Variants in MTUS2 observed in about 807,000 individuals in gnomAD.
The protein encoded by MTUS2 is microtubule-associated tumor suppressor candidate 2.
In MTUS2, 40 loss-of-function variants were observed where a neutral mutation model predicts 114.1. That is an observed-to-expected ratio of 0.35 (90% confidence interval 0.27 to 0.46). The LOEUF (loss-of-function observed/expected upper bound fraction) is 0.46. Among genes scored for constraint, MTUS2 ranks in the 20% least tolerant of loss-of-function variants. The probability of loss-of-function intolerance (pLI) is 1.00; values close to 1 mark genes in which losing one functional copy is unlikely to be tolerated. For missense variants in MTUS2, 1,679 were observed against 1,705.4 expected (o/e 0.98, Z 0.27); for synonymous variants, 688 against 672.0 (o/e 1.02, Z -0.37).
chr13:29,183,375 A>G (rs961944459), intron 5 of MTUS2, among the ~76,000 whole-genome samples: 1 of 152,180 alleles, frequency 6.6e-6, no homozygotes, highest in African/African-American at 2.4e-5. Flanking sequence ...GGAACAGGTT[A>G]GGAGATTCAT....
At chr13:29,099,896 G>A (rs570474942) in intron 4 of MTUS2, among the ~76,000 whole-genome samples, 23 of 152,304 alleles carry the variant, frequency 1.5e-4, no homozygotes, top group Non-Finnish European at 1.6e-4. Context: ...TATTGCTGGA[G>A]CCTGGCTCAG....
At chr13:29,135,467 T>G (rs1891940016) in intron 5 of MTUS2, among the ~76,000 whole-genome samples, 1 of 152,202 alleles carries the variant, frequency 6.6e-6, no homozygotes, top group African/African-American at 2.4e-5. Flanking sequence ...TGGATCATGT[T>G]TTTGTTTTTT....
chr13:28,975,354 A>G (rs544974371), intron 2 of MTUS2, among the ~76,000 whole-genome samples: 1 of 152,250 alleles, frequency 6.6e-6, no homozygotes, highest in East Asian at 1.9e-4. Context: ...CGGCATGGTC[A>G]GTGGGGTCTT....
At chr13:29,156,443 G>A (rs1892862776) in intron 5 of MTUS2, among the ~76,000 whole-genome samples, 1 of 152,026 alleles carries the variant, frequency 6.6e-6, no homozygotes, top group Admixed American at 6.6e-5. Context: ...GGCTCCCAAG[G>A]TTGTGCAATA....
chr13:29,220,010 T>G (rs11616994), intron 5 of MTUS2, among the ~76,000 whole-genome samples: 21,660 of 151,706 alleles, frequency 0.14, 1,678 homozygotes, highest in East Asian at 0.3. Context: ...TTTTTTTTTT[T>G]TTGAGACAGA....
chr13:29,038,349 G>A (rs2138540780), intron 4 of MTUS2, among the ~76,000 whole-genome samples: 1 of 152,354 alleles, frequency 6.6e-6, no homozygotes. Context: ...GACCCTATTA[G>A]CCTGGGTATC....
intron 5 of MTUS2, among the ~76,000 whole-genome samples, chr13:29,219,964 T>C (rs764959301): frequency 3.9e-5 from 6 of 152,210 alleles, no homozygotes; most frequent in Non-Finnish European, 7.3e-5. Context: ...GCTGTTTTAC[T>C]TTCTTATCAT....
chr13:29,184,815 A>G (rs1162272564), intron 5 of MTUS2, among the ~76,000 whole-genome samples: 1 of 152,224 alleles, frequency 6.6e-6, no homozygotes, highest in Non-Finnish European at 1.5e-5. Flanking sequence ...ATGCCAATTT[A>G]TATCATTTAA....
intron 4 of MTUS2, chr13:29,071,932 A>G (rs916487262): frequency 6.6e-6 from 1 of 152,182 alleles, no homozygotes; most frequent in African/African-American, 2.4e-5. Flanking sequence ...TGCCCAGAAG[A>G]GGAGATGGTG....
chr13:29,073,430 A>G (rs1174873446), intron 4 of MTUS2, among the ~76,000 whole-genome samples: 3 of 152,210 alleles, frequency 2.0e-5, no homozygotes, highest in African/African-American at 7.2e-5. Flanking sequence ...TGGCCTGGAT[A>G]TTAAATAATG....
At chr13:29,135,406 C>A (rs1449035719) in intron 5 of MTUS2, among the ~76,000 whole-genome samples, 1 of 152,164 alleles carries the variant, frequency 6.6e-6, no homozygotes, top group Non-Finnish European at 1.5e-5. Flanking sequence ...TCACTTTCAA[C>A]CTATTTGTGT....
chr13:29,355,941 A>G (rs1370922708), intron 7 of MTUS2, among the ~76,000 whole-genome samples: 1 of 152,128 alleles, frequency 6.6e-6, no homozygotes. Flanking sequence ...ACTAATATCC[A>G]TTTCCTAGTT....
chr13:28,869,461 C>G (rs1052938604), intron 2 of MTUS2, among the ~76,000 whole-genome samples: 2 of 152,112 alleles, frequency 1.3e-5, no homozygotes, highest in Non-Finnish European at 2.9e-5. Flanking sequence ...CAGGAATATT[C>G]GTAAAGCTTT....
intron 5 of MTUS2, among the ~76,000 whole-genome samples, chr13:29,106,798 T>C (rs1890688748): frequency 6.6e-6 from 1 of 152,156 alleles, no homozygotes; most frequent in Non-Finnish European, 1.5e-5. Flanking sequence ...CACAAGCACA[T>C]GGTCCTTGGT....
rs1262030938 is a variant in MTUS2 at position 29,389,787 on chromosome 13, ATATG to A, written c.3117+30318_3117+30321del. Among the ~76,000 whole-genome samples the A allele has an allele frequency of 2.1e-3, 203 of 98,256 alleles. 77 individuals are homozygous for A. The highest frequency in any genetic ancestry group is 0.015 in the Middle Eastern group (2 of 136). 64.5% of individuals were successfully genotyped at this position (98,256 alleles called of 152,430 possible). A position where few individuals can be genotyped will look rare whatever the true frequency, so the allele number is the denominator to read the frequency against. On this transcript the variant is annotated intron_variant, in intron 8 of 15. Transcript: ENST00000612955. ...TATGTATATACATACATATGTGTGTATATGTATATACATACATATGTGTATATAT... is the reference window on the plus strand; with the variant it reads ...TATGTATATACATACATATGTGTGTATATATACATACATATGTGTATATAT...
intron 6 of MTUS2, among the ~76,000 whole-genome samples, chr13:29,304,809 G>A (rs1899366870): frequency 6.6e-6 from 1 of 152,028 alleles, no homozygotes; most frequent in South Asian, 2.1e-4. Flanking sequence ...CTACAGAACT[G>A]TCCACTCAAA....
At position 29,204,827 on chromosome 13, in the gene MTUS2, G is replaced by A. The variant is rs9508314; in HGVS notation, c.2645-76877G>A. Among the ~76,000 whole-genome samples, 653 of 152,340 alleles carry A rather than the reference G, an allele frequency of 4.3e-3. 5 individuals are homozygous for A. Among genetic ancestry groups the A allele is most frequent in the Non-Finnish European group, 6.7e-3 (454 of 68,034 alleles). On this transcript the variant is annotated intron_variant, in intron 5 of 15. Coordinates refer to ENST00000612955, the MANE Select transcript of MTUS2 (RefSeq NM_001033602.4). ...ATTGGCCTCAGAACACTAAAAGCGCGCAAAGCATCGCTCGCTGGGCACCTG... is the reference window on the plus strand; with the variant it reads ...ATTGGCCTCAGAACACTAAAAGCGCACAAAGCATCGCTCGCTGGGCACCTG...
chr13:29,128,152 C>G (rs1891598401), intron 5 of MTUS2, among the ~76,000 whole-genome samples: 1 of 152,158 alleles, frequency 6.6e-6, no homozygotes, highest in Admixed American at 6.5e-5. Flanking sequence ...GACAGAATAG[C>G]CATGTGAATT....
intron 5 of MTUS2, among the ~76,000 whole-genome samples, chr13:29,187,283 A>G (rs1168456509): frequency 6.6e-6 from 1 of 152,138 alleles, no homozygotes; most frequent in African/African-American, 2.4e-5. Context: ...GAGAGTAGAA[A>G]AACATTATAG....
Sources: gnomAD v4.1 joint callset for allele counts (sites outside exome capture counted in the v4.1 genomes callset) on GRCh38, gnomAD v4.1.1 for gene constraint, MANE v1.5 for transcripts, NCBI Gene and HGNC (gene_info 2026-07-23, HGNC 2026-07-21) for gene names.